Variants in PCDHA1 observed in about 807,000 individuals in gnomAD.
PCDHA1 encodes the protein protocadherin alpha 1.
PCDHA1 carries 42 observed loss-of-function variants against 61.3 expected under a neutral mutation model. The ratio of observed to expected loss-of-function variants is 0.69; its 90% CI spans 0.54 to 0.89. PCDHA1 has a LOEUF of 0.89. Among genes scored for constraint, PCDHA1 ranks in the 40% least tolerant of loss-of-function variants. The pLI is 0.00. For synonymous variants in PCDHA1, 610 were observed against 553.8 expected, an observed-to-expected ratio of 1.10 and a Z score of -1.43; for missense variants, 1,256 against 1,235.3, an observed-to-expected ratio of 1.02 and a Z score of -0.25.
chr5:140,972,837 T>C (rs1328315293), intron 1 of PCDHA1, among the ~76,000 whole-genome samples: 1 of 152,004 alleles, frequency 6.6e-6, no homozygotes, highest in Non-Finnish European at 1.5e-5. Context: ...CTAATTTTTG[T>C]ATTTTTAGTA....
At chr5:140,863,216 C>A (rs781920741) in intron 1 of PCDHA1, 5 of 1,084,226 alleles carry the variant, frequency 4.6e-6, no homozygotes, top group African/African-American at 1.6e-5. Context: ...AGCAGCCAAG[C>A]GAGGAAGGTC....
intron 1 of PCDHA1, among the ~76,000 whole-genome samples, chr5:140,839,682 A>AT (rs1213854043): frequency 2.0e-5 from 3 of 152,030 alleles, no homozygotes; most frequent in Non-Finnish European, 4.4e-5. Flanking sequence ...AACTACAGAG[A>AT]TTTTTTTGGG....
rs1764491957 is a variant in PCDHA1, at chr5:140,809,532, GAGA to G, written c.2394+20852_2394+20854del. 4 of 1,613,958 alleles carry G rather than the reference GAGA, an allele frequency of 2.5e-6. No individual in the cohort carries two copies. The East Asian group carries it at 6.7e-5, about 27-fold the overall frequency. On this transcript the variant is annotated intron_variant, in intron 1 of 3. Coordinates refer to ENST00000504120, the MANE Select transcript of PCDHA1 (RefSeq NM_018900.4). The stretch of plus-strand genomic sequence containing the variant: ...CCCAGTTTACCTGACTCTAGGGACA[GAGA>G]AGATCAGCTGCAGACAACTGAGGAA...
At chr5:140,985,740 T>TG (rs1554247304) in intron 3 of PCDHA1, among the ~76,000 whole-genome samples, 2 of 53,688 alleles carry the variant, frequency 3.7e-5, no homozygotes, top group Admixed American at 1.9e-4. Flanking sequence ...GATGAATTCC[T>TG]TTTTTTTTTT....
chr5:140,894,919 T>C (rs1188144925), intron 1 of PCDHA1, among the ~76,000 whole-genome samples: 1 of 152,348 alleles, frequency 6.6e-6, no homozygotes, highest in Non-Finnish European at 1.5e-5. Context: ...TGTTGCTCTA[T>C]AGATTTCTAT....
chr5:140,918,334 A>G (rs1419491986), intron 1 of PCDHA1, among the ~76,000 whole-genome samples: 1 of 152,144 alleles, frequency 6.6e-6, no homozygotes, highest in Non-Finnish European at 1.5e-5. Context: ...ATTGTCTGCT[A>G]AGAGAGATAG....
chr5:140,834,216 C>A, intron 1 of PCDHA1: 2 of 658,062 alleles, frequency 3.0e-6, no homozygotes, highest in South Asian at 2.3e-5. Flanking sequence ...CTTTCGTAAT[C>A]AGCAAAAGGA....
chr5:140,946,374 C>T (rs1371899868), intron 1 of PCDHA1, among the ~76,000 whole-genome samples: 5 of 151,656 alleles, frequency 3.3e-5, no homozygotes, highest in African/African-American at 9.7e-5. Flanking sequence ...CTCTTGCACA[C>T]GGTTGGTAGG....
intron 1 of PCDHA1, chr5:140,969,021 C>T (rs2096289420): frequency 8.1e-6 from 13 of 1,614,146 alleles, no homozygotes; most frequent in Non-Finnish European, 1.1e-5. Context: ...AGGGAAAGGT[C>T]CCCTGCAGAA....
At position 141,010,210 on chromosome 5, in the gene PCDHA1, G is replaced by A. The variant is rs2098416466; in HGVS notation, c.*273G>A. ...AGTTTCCTTTCTCCTCCGCCGCAAA[G>A]GAGAGGCTTCCCAGCCCCGCCAGTG... On this transcript the variant is annotated 3_prime_UTR_variant, in exon 4 of 4. Transcript: ENST00000504120. 4 of 1,551,736 alleles carry A rather than the reference G, an allele frequency of 2.6e-6. No homozygotes were observed. Among genetic ancestry groups the A allele is most frequent in the African/African-American group, 1.4e-5 (1 of 73,050 alleles).
chr5:140,882,542 C>A, intron 1 of PCDHA1: 5 of 1,614,166 alleles, frequency 3.1e-6, no homozygotes, highest in Non-Finnish European at 3.4e-6. Context: ...TCGGATCGAC[C>A]GCGAGGAGCT....
chr5:140,815,311 A>G (rs2150039316), intron 1 of PCDHA1: 1 of 152,120 alleles, frequency 6.6e-6, no homozygotes, highest in African/African-American at 2.4e-5. Context: ...TGAGAATTGT[A>G]ATGCTATGTT....
At chr5:140,828,289 G>A in intron 1 of PCDHA1, 1 of 1,614,116 alleles carries the variant, frequency 6.2e-7, no homozygotes, top group Non-Finnish European at 8.5e-7. Flanking sequence ...TGTTCAGGAT[G>A]GCCTCCAAAG....
chr5:140,813,354 T>C (rs2126645911), intron 1 of PCDHA1: 1 of 152,328 alleles, frequency 6.6e-6, no homozygotes, highest in Non-Finnish European at 1.5e-5. Flanking sequence ...CTAGATAGTA[T>C]AGCCTACTAC....
chr5:140,928,125 C>T, intron 1 of PCDHA1: 2 of 1,614,154 alleles, frequency 1.2e-6, no homozygotes, highest in Non-Finnish European at 1.7e-6. Context: ...TCAGTGAATA[C>T]CAAGTCCTGA....
Position 140,787,571 on chromosome 5 carries a change from G to A in PCDHA1, c.1281G>A (p.Ala427=), listed in dbSNP as rs1554117873. Residue 427 remains alanine, a synonymous_variant, in exon 1 of 4, where the codon GCG becomes GCA. Coordinates refer to ENST00000504120, the MANE Select transcript of PCDHA1 (RefSeq NM_018900.4). ...SLSVYELVVT[A]RDGGSPSLWA... ...CGGTCTATGAGCTGGTGGTGACCGC[G>A]CGGGACGGGGGCTCGCCTTCGCTGT... 1.9e-6 allele frequency: 3 copies of A among 1,614,220 alleles called. No individual in the cohort carries two copies. Among genetic ancestry groups the A allele is most frequent in the East Asian group, 2.2e-5 (1 of 44,882 alleles).
chr5:140,953,127 G>A (rs909395659), intron 1 of PCDHA1, among the ~76,000 whole-genome samples: 2 of 152,060 alleles, frequency 1.3e-5, no homozygotes, highest in African/African-American at 4.8e-5. Flanking sequence ...GATCTAAACC[G>A]TATCACTGTT....
chr5:140,959,835 C>T (rs1554224346), intron 1 of PCDHA1, among the ~76,000 whole-genome samples: 2 of 152,042 alleles, frequency 1.3e-5, no homozygotes, highest in East Asian at 1.9e-4. Flanking sequence ...ATGTATTATG[C>T]CTGTAACTGC....
At chr5:140,858,849 A>G (rs2045624236) in intron 1 of PCDHA1, 2 of 285,640 alleles carry the variant, frequency 7.0e-6, no homozygotes, top group Admixed American at 5.1e-5. Context: ...CCACTGATCT[A>G]TATCTCTTCA....
Sources: allele counts gnomAD v4.1 joint callset (sites outside exome capture counted in the v4.1 genomes callset), GRCh38; gene constraint gnomAD v4.1.1; transcripts MANE v1.5; gene names NCBI Gene and HGNC (gene_info 2026-07-23, HGNC 2026-07-21).